GRIN2B: variants seen among roughly 807,000 people sequenced by gnomAD.
The protein encoded by GRIN2B is glutamate ionotropic receptor NMDA type subunit 2B, also known as glutamate receptor ionotropic, NMDA 2B.
Under a neutral mutation model 114.5 loss-of-function variants are expected in GRIN2B, and 5 were observed. That is an observed-to-expected ratio of 0.04 (90% CI 0.02 to 0.09). The LOEUF (loss-of-function observed/expected upper bound fraction) is 0.09, where lower values mean the gene tolerates loss of function less well. Among genes scored for constraint, GRIN2B ranks in the 10% least tolerant of loss-of-function variants. GRIN2B has a pLI of 1.00. For synonymous variants in GRIN2B, 787 were observed against 745.1 expected (o/e 1.06, Z -0.92); for missense variants, 1,108 against 1,943.5 (o/e 0.57, Z 8.08).
chr12:13,953,941 G>T (rs1407685137), intron 2 of GRIN2B, among the ~76,000 whole-genome samples: 1 of 152,068 alleles, frequency 6.6e-6, no homozygotes, highest in African/African-American at 2.4e-5. Flanking sequence ...CACAGACTAG[G>T]GATAAAAACC....
intron 2 of GRIN2B, among the ~76,000 whole-genome samples, chr12:13,951,117 A>G (rs1332871722): frequency 6.6e-6 from 1 of 152,236 alleles, no homozygotes; most frequent in East Asian, 1.9e-4. Context: ...AACTTCAATG[A>G]TAAATATCAA....
chr12:13,947,850 T>C (rs563679938), intron 2 of GRIN2B, among the ~76,000 whole-genome samples: 63 of 152,268 alleles, frequency 4.1e-4, no homozygotes, highest in African/African-American at 1.3e-3. Flanking sequence ...TCCAACTCAC[T>C]TCCATAACGT....
At chr12:13,671,402 G>A (rs1414033832) in intron 5 of GRIN2B, among the ~76,000 whole-genome samples, 1 of 152,152 alleles carries the variant, frequency 6.6e-6, no homozygotes, top group Non-Finnish European at 1.5e-5. Flanking sequence ...ATGTTGTGTT[G>A]ACTTCAAGTC....
chr12:13,725,174 T>C (rs1862958330), intron 4 of GRIN2B, among the ~76,000 whole-genome samples: 2 of 152,074 alleles, frequency 1.3e-5, no homozygotes, highest in African/African-American at 4.8e-5. Flanking sequence ...CTATCTAGCC[T>C]CAGGATAATA....
At chr12:13,629,881 G>A (rs1215697534) in intron 5 of GRIN2B, among the ~76,000 whole-genome samples, 1 of 152,144 alleles carries the variant, frequency 6.6e-6, no homozygotes, top group Non-Finnish European at 1.5e-5. Context: ...CGGCTCAGTA[G>A]CATCTATGCC....
At chr12:13,899,677 T>C (rs73057667) in intron 2 of GRIN2B, among the ~76,000 whole-genome samples, 21,838 of 143,546 alleles carry the variant, frequency 0.15, 4,615 homozygotes, top group Middle Eastern at 0.29. Flanking sequence ...CATTGCCAAC[T>C]ATCCACTTCC....
intron 2 of GRIN2B, among the ~76,000 whole-genome samples, chr12:13,950,165 T>C (rs747728786): frequency 4.6e-5 from 7 of 152,226 alleles, no homozygotes; most frequent in Admixed American, 2.6e-4. Flanking sequence ...TATTAATCTA[T>C]GGAAGAATAG....
intron 4 of GRIN2B, among the ~76,000 whole-genome samples, chr12:13,718,505 TTA>T (rs1950479067): frequency 6.6e-6 from 1 of 152,036 alleles, no homozygotes; most frequent in African/African-American, 2.4e-5. Flanking sequence ...GCCGGACTTG[TTA>T]CTGGCTTACA....
rs1238088665 is a variant in GRIN2B, at chr12:13,540,373, TTA to T, written c.*22408_*22409del. 2 of 152,146 alleles carry T rather than the reference TTA, an allele frequency of 1.3e-5. No individual in the cohort carries two copies. The highest frequency in any genetic ancestry group is 1.3e-4 in the Admixed American group (2 of 15,278). 9.4% of individuals were successfully genotyped at this position (152,146 alleles called of 1,614,324 possible). ...ACATCACAAAGTTTTTCTTGTTTTT[TTA>T]TGTTGTCTTTTTTTTAATTCGTTTT... On this transcript the variant is annotated 3_prime_UTR_variant, in exon 14 of 14. Transcript: ENST00000609686.
chr12:13,699,886 C>CT (rs5796554), intron 4 of GRIN2B, among the ~76,000 whole-genome samples: 24,415 of 145,738 alleles, frequency 0.17, 1,967 homozygotes, highest in African/African-American at 0.19. Context: ...CGCACCCAGC[C>CT]TTTTTTTTTT....
At chr12:13,665,015 T>C (rs1949959806) in intron 5 of GRIN2B, among the ~76,000 whole-genome samples, 1 of 152,148 alleles carries the variant, frequency 6.6e-6, no homozygotes, top group Non-Finnish European at 1.5e-5. Flanking sequence ...ATCCCTTCCA[T>C]GCAATGAGGA....
At chr12:13,896,432 T>A (rs1866355777) in intron 2 of GRIN2B, among the ~76,000 whole-genome samples, 1 of 152,130 alleles carries the variant, frequency 6.6e-6, no homozygotes, top group African/African-American at 2.4e-5. Flanking sequence ...GTCTGCAGTA[T>A]TACCACTGGC....
intron 2 of GRIN2B, among the ~76,000 whole-genome samples, chr12:13,914,136 G>C (rs552518912): frequency 3.9e-5 from 6 of 152,244 alleles, no homozygotes; most frequent in African/African-American, 1.4e-4. Flanking sequence ...GGCTCTATGG[G>C]ATGAATGAAT....
At chr12:13,702,457 A>G (rs1950321632) in intron 4 of GRIN2B, among the ~76,000 whole-genome samples, 1 of 152,346 alleles carries the variant, frequency 6.6e-6, no homozygotes, top group Middle Eastern at 3.4e-3. Flanking sequence ...TCAGTAGACT[A>G]GGGAATGTCT....
intron 5 of GRIN2B, among the ~76,000 whole-genome samples, chr12:13,649,576 C>T (rs765759083): frequency 4.6e-5 from 7 of 152,032 alleles, no homozygotes; most frequent in Non-Finnish European, 1.0e-4. Context: ...ATATAATAGA[C>T]AGCATTTCCC....
At chr12:13,921,169 G>A (rs1376429013) in intron 2 of GRIN2B, among the ~76,000 whole-genome samples, 1 of 152,192 alleles carries the variant, frequency 6.6e-6, no homozygotes, top group Non-Finnish European at 1.5e-5. Context: ...GGCCAAGGCA[G>A]GCAGATAATT....
chr12:13,826,922 TC>T (rs1865047652), intron 3 of GRIN2B, among the ~76,000 whole-genome samples: 1 of 151,968 alleles, frequency 6.6e-6, no homozygotes. Flanking sequence ...GCTTTTTTTT[TC>T]CTCTGAAAGC....
chr12:13,797,036 T>C (rs1178069446), intron 3 of GRIN2B, among the ~76,000 whole-genome samples: 5 of 152,220 alleles, frequency 3.3e-5, no homozygotes, highest in African/African-American at 1.2e-4. Context: ...AAATAGATGA[T>C]TAAAAATACT....
At chr12:13,976,066 T>C (rs978768420) in intron 2 of GRIN2B, among the ~76,000 whole-genome samples, 3 of 152,252 alleles carry the variant, frequency 2.0e-5, no homozygotes, top group South Asian at 2.1e-4. Flanking sequence ...TTCTGTGTAA[T>C]GGCCGCAGGC....
Sources: allele counts gnomAD v4.1 joint callset (sites outside exome capture counted in the v4.1 genomes callset), GRCh38; gene constraint gnomAD v4.1.1; transcripts MANE v1.5; gene names NCBI Gene and HGNC (gene_info 2026-07-23, HGNC 2026-07-21).